Variants in ZAN observed in about 807,000 individuals in gnomAD.
ZAN encodes the protein zonadhesin (gene/pseudogene).
In ZAN, 260 loss-of-function variants were observed where a neutral mutation model predicts 286.2. That is an observed-to-expected ratio of 0.91 (90% CI 0.82 to 1.01). The LOEUF (loss-of-function observed/expected upper bound fraction) is 1.01. ZAN is among the 50% of genes least tolerant of loss of function. ZAN has a pLI of 0.00. For missense variants in ZAN, 3,410 were observed against 3,639.2 expected (o/e 0.94, Z 1.62); for synonymous variants, 1,368 against 1,417.5 (o/e 0.97, Z 0.79).
At chr7:100,768,561 G>A in intron 26 of ZAN, 49 bp from the exon 27 acceptor site, 1 of 1,500,052 alleles carries the variant, frequency 6.7e-7, no homozygotes, top group Non-Finnish European at 9.0e-7. Flanking sequence ...CTGGGGCCTG[G>A]CCTGCTGGGG....
intron 14 of ZAN, among the ~76,000 whole-genome samples, chr7:100,753,594 G>A (rs982119654): frequency 2.0e-5 from 3 of 151,898 alleles, no homozygotes; most frequent in African/African-American, 7.3e-5. Flanking sequence ...GGGCCAAGGC[G>A]AGAGGGTTGC....
rs1240173788 is a variant in ZAN, at chr7:100,737,252, C to A, written c.526-10C>A. 6.8e-7 allele frequency: 1 copy of A among 1,472,128 alleles called. No homozygotes were observed. The highest frequency in any genetic ancestry group is 1.2e-5 in the South Asian group (1 of 83,506). The allele number at this position is 1,472,128 out of a possible 1,614,324, so 91.2% of individuals were successfully genotyped here. On this transcript the variant is annotated splice_polypyrimidine_tract_variant and intron_variant, in intron 5 of 47. Transcript: ENST00000613979. ...GCTCATGGGGTTGGGGTCCCCTTAT[C>A]CTCTTGCAGCTGATGTTTGAGGGAA...
At position 100,769,983 on chromosome 7, in the gene ZAN, T is replaced by A. The variant is rs1199127087; in HGVS notation, c.5248+9T>A. 1 of 1,556,600 alleles carries A rather than the reference T, an allele frequency of 6.4e-7. No individual in the cohort carries two copies. Among genetic ancestry groups the A allele is most frequent in the East Asian group, 2.4e-5 (1 of 41,548 alleles). On this transcript the variant is annotated intron_variant, in intron 28 of 47. Transcript: ENST00000613979. ...CTTAATAAACCCTCAGGGTAAGACA[T>A]GTCCCTGCTGGCCCTTTTTCCTCCC... is the stretch of plus-strand genomic sequence containing the variant.
In ZAN at chr7:100,794,271, T is replaced by TCCTGCC. The variant is rs1562960643; in HGVS notation, c.8125+15_8125+20dup. Reference sequence around the variant, plus strand: ...GGCTGCTTTCCAGGTGAACCTGCACTCCTGCCCGGTTCCAAGCTGCCCCAT... The same window carrying TCCTGCC: ...GGCTGCTTTCCAGGTGAACCTGCACTCCTGCCCCTGCCCGGTTCCAAGCTGCCCCAT... On this transcript the variant is annotated intron_variant, in intron 44 of 47. Coordinates refer to ENST00000613979, the MANE Select transcript of ZAN (RefSeq NM_003386.3). 1 of 1,584,378 alleles carries TCCTGCC rather than the reference T, an allele frequency of 6.3e-7. No homozygotes were observed. Among genetic ancestry groups the TCCTGCC allele is most frequent in the Non-Finnish European group, 8.6e-7 (1 of 1,164,568 alleles).
intron 7 of ZAN, among the ~76,000 whole-genome samples, chr7:100,743,519 A>G (rs1807961726): frequency 6.6e-6 from 1 of 152,088 alleles, no homozygotes; most frequent in South Asian, 2.1e-4. Flanking sequence ...TAGGTCAAGC[A>G]TAGAGGGTTC....
In ZAN at chr7:100,775,587, G is replaced by T. The variant is rs943366919; in HGVS notation, c.6027+12G>T. 1.2e-6 allele frequency: 2 copies of T among 1,612,332 alleles called. No homozygotes were observed. Among genetic ancestry groups the T allele is most frequent in the Non-Finnish European group, 1.7e-6 (2 of 1,178,646 alleles). On this transcript the variant is annotated intron_variant, in intron 32 of 47. Transcript: ENST00000613979. ...GCCACCGTGTGCTAGTGAGCTGGGT[G>T]TGGTGACCGGGGCTGGGAGGGAGTG...
Position 100,773,446 on chromosome 7 carries a change from C to T in ZAN, c.5587C>T (p.Pro1863Ser). ...GHILSGTSCV[P>S]LGQCGCTDPA... Reference sequence around the variant, plus strand: ...CATCTTGAGTGGAACCTCCTGCGTGCCCCTTGGCCAGTGTGGCTGCACTGA... The same window carrying T: ...CATCTTGAGTGGAACCTCCTGCGTGTCCCTTGGCCAGTGTGGCTGCACTGA... Residue 1863 changes from proline to serine, a missense_variant, in exon 30 of 48, where the codon CCC becomes TCC. By Grantham distance (74) the Pro-to-Ser change is moderately conservative. Coordinates refer to ENST00000613979, the MANE Select transcript of ZAN (RefSeq NM_003386.3). 6.2e-7 allele frequency: 1 copy of T among 1,613,960 alleles called. No individual in the cohort carries two copies. The highest frequency in any genetic ancestry group is 8.5e-7 in the Non-Finnish European group (1 of 1,179,888).
At chr7:100,758,440 C>T (rs1029587433) in intron 16 of ZAN, 91 bp from the exon 17 acceptor site, 1 of 1,575,872 alleles carries the variant, frequency 6.3e-7, no homozygotes, top group East Asian at 2.3e-5. Flanking sequence ...GGATTGGGGG[C>T]CTGCCACCGG....
Position 100,748,256 on chromosome 7 carries a change from G to A in ZAN, c.1102+41G>A, listed in dbSNP as rs375888790. 2.4e-5 allele frequency: 38 copies of A among 1,613,744 alleles called. No individual in the cohort carries two copies. The Middle Eastern group carries it at 6.6e-4, about 28-fold the overall frequency. ...GAGAGGCCCGGATCTCTCAGAATCCGGGGTGGGCTGGGGGAGGGCTGGAGA... is the reference window on the plus strand; with the variant it reads ...GAGAGGCCCGGATCTCTCAGAATCCAGGGTGGGCTGGGGGAGGGCTGGAGA... On this transcript the variant is annotated intron_variant, in intron 10 of 47. Coordinates refer to ENST00000613979, the MANE Select transcript of ZAN (RefSeq NM_003386.3).
intron 15 of ZAN, 74 bp from the exon 16 acceptor site, chr7:100,758,128 A>AT: frequency 9.0e-7 from 1 of 1,115,814 alleles, no homozygotes; most frequent in Non-Finnish European, 1.2e-6. Flanking sequence ...AAATAAATAA[A>AT]TGAAAAAGAA....
chr7:100,744,763 C>A (rs1014991999), intron 7 of ZAN, among the ~76,000 whole-genome samples: 5 of 150,624 alleles, frequency 3.3e-5, no homozygotes, highest in African/African-American at 9.8e-5. Context: ...TTTATTTTTC[C>A]TTTCTTTCCC....
chr7:100,746,696 G>C lies in ZAN; in HGVS notation c.925G>C (p.Val309Leu). 6.2e-7 allele frequency: 1 copy of C among 1,613,924 alleles called. No individual in the cohort carries two copies. The highest frequency in any genetic ancestry group is 8.5e-7 in the Non-Finnish European group (1 of 1,179,848). The change falls in exon 8 of 48, where the codon GTC (valine) becomes CTC (leucine). Residue 309 changes from valine (V) to leucine (L), a missense_variant. By Grantham distance (32) the Val-to-Leu change is conservative. Coordinates refer to ENST00000613979, the MANE Select transcript of ZAN (RefSeq NM_003386.3). ...PGAALHIYAS[V>L]LGSIRKHTLF... ...TGCAGCCCTCCACATTTATGCTTCA[G>C]TCTTGGGTTAGAGCGGAGAATTAAT...
At position 100,753,114 on chromosome 7, in the gene ZAN, C is replaced by T. The variant is rs913355357; in HGVS notation, c.3009C>T (p.Pro1003=). 5 of 1,613,938 alleles carry T rather than the reference C, an allele frequency of 3.1e-6. No individual in the cohort carries two copies. Among genetic ancestry groups the T allele is most frequent in the Non-Finnish European group, 4.2e-6 (5 of 1,179,850 alleles). The change falls in exon 14 of 48, where the codon CCC becomes CCT. Residue 1003 remains proline (P), a synonymous_variant. Transcript: ENST00000613979. ...AGAAGCTCACAGCCCTGAGGCCACC[C>T]CATCCCAGCCCCACAGCCACTGGGC... The part of the protein sequence containing the change: ...PTEKLTALRP[P]HPSPTATGLA...
intron 11 of ZAN, among the ~76,000 whole-genome samples, chr7:100,749,912 A>T (rs1350681956): frequency 6.7e-6 from 1 of 149,020 alleles, no homozygotes; most frequent in Non-Finnish European, 1.5e-5. Context: ...TTAGCCAGAC[A>T]TGGTGGTACA....
chr7:100,790,094 A>G (rs1225174578), intron 39 of ZAN, among the ~76,000 whole-genome samples: 2 of 151,900 alleles, frequency 1.3e-5, no homozygotes, highest in Non-Finnish European at 2.9e-5. Flanking sequence ...TCCCATCTCT[A>G]TAAAAAATAA....
In ZAN at chr7:100,791,000, C is replaced by G. The variant is rs776961999; in HGVS notation, c.7416C>G (p.Asp2472Glu). ...TGAGTGGCCTGTGCGGAAACTACGACAAGAACCGCAAGAATGACATGATGC... is the reference window on the plus strand; with the variant it reads ...TGAGTGGCCTGTGCGGAAACTACGAGAAGAACCGCAAGAATGACATGATGC... ...GLVSGLCGNY[D>E]KNRKNDMMLP... Residue 2472 changes from aspartate to glutamate, a missense_variant, in exon 40 of 48, where the codon GAC (aspartate) becomes GAG (glutamate). Asp to Glu is a conservative substitution (Grantham distance 45). Transcript: ENST00000613979. 13 of 1,611,852 alleles carry G rather than the reference C, an allele frequency of 8.1e-6. No individual in the cohort carries two copies. The African/African-American group carries it at 1.7e-4, about 22-fold the overall frequency.
intron 24 of ZAN, 82 bp from the exon 25 acceptor site, chr7:100,766,928 G>T (rs981992350): frequency 1.9e-6 from 3 of 1,574,762 alleles, no homozygotes; most frequent in Non-Finnish European, 2.6e-6. Flanking sequence ...TGCCAATGTG[G>T]GCTCTCCAGG....
In ZAN at chr7:100,760,499, T is replaced by A; in HGVS notation, c.3805T>A (p.Trp1269Arg). Residue 1269 changes from tryptophan to arginine, a missense_variant, in exon 19 of 48, where the codon TGG (tryptophan) becomes AGG (arginine). Trp to Arg is a moderately radical substitution (Grantham distance 101, BLOSUM62 -3). Around this residue, in one of 7 missense-constraint regions of ZAN, gnomAD observed 1,042 missense variants for 1,058.0 expected, o/e 0.98. Coordinates refer to ENST00000613979, the MANE Select transcript of ZAN (RefSeq NM_003386.3). The stretch of plus-strand genomic sequence containing the variant: ...GACGGAGTTCGGTTTGCGGGTGAGA[T>A]GGGATGGTGACCAGCAGCTGTATGT... The part of the protein sequence containing the change: ...LQTEFGLRVR[W>R]DGDQQLYVTV... 1 of 1,613,952 alleles carries A rather than the reference T, an allele frequency of 6.2e-7. No homozygotes were observed. The highest frequency in any genetic ancestry group is 2.2e-5 in the East Asian group (1 of 44,882).
chr7:100,762,233 C>G lies in ZAN; in HGVS notation c.3861C>G (p.Leu1287=), dbSNP rs1275198479. 1 of 1,613,314 alleles carries G rather than the reference C, an allele frequency of 6.2e-7. No homozygotes were observed. Among genetic ancestry groups the G allele is most frequent in the East Asian group, 2.2e-5 (1 of 44,838 alleles). Residue 1287 remains leucine, a synonymous_variant, in exon 20 of 48, where the codon CTC becomes CTG. Coordinates refer to ENST00000613979, the MANE Select transcript of ZAN (RefSeq NM_003386.3). The part of the protein sequence containing the change: ...VTVSSTYSGK[L]CGLCGNYDGN... ...CCCCTAGCACATACTCTGGCAAACT[C>G]TGTGGTTTGTGTGGGAACTATGACG...
Sources: gnomAD v4.1 joint callset for allele counts (sites outside exome capture counted in the v4.1 genomes callset) on GRCh38, gnomAD v4.1.1 for gene constraint, gnomAD v4.1.1 regional missense constraint, MANE v1.5 for transcripts, NCBI Gene and HGNC (gene_info 2026-07-23, HGNC 2026-07-21) for gene names.